Variants in CENPW observed in about 807,000 individuals in gnomAD.
CENPW encodes centromere protein W.
Under a neutral mutation model 11.1 loss-of-function variants are expected in CENPW, and 3 were observed. That is an observed-to-expected ratio of 0.27 (90% confidence interval 0.12 to 0.70). The LOEUF is 0.70. Among genes scored for constraint, CENPW ranks in the 30% least tolerant of loss-of-function variants. The probability of loss-of-function intolerance (pLI) is 0.77; values close to 1 mark genes in which losing one functional copy is unlikely to be tolerated. For synonymous variants in CENPW, 38 were observed against 42.0 expected, an observed-to-expected ratio of 0.91 and a Z score of 0.37; for missense variants, 100 against 105.6, an observed-to-expected ratio of 0.95 and a Z score of 0.23.
the CENPW span, among the ~76,000 whole-genome samples, chr6:126,413,925 T>A: frequency 2.0e-5 from 3 of 151,912 alleles, no homozygotes; most frequent in Non-Finnish European, 4.4e-5. Flanking sequence ...TGTGAGAAAT[T>A]CACTTCACTG....
the CENPW span, among the ~76,000 whole-genome samples, chr6:126,471,021 G>A: frequency 6.6e-6 from 1 of 152,146 alleles, no homozygotes; most frequent in Admixed American, 6.6e-5. Context: ...GGTTAATGCT[G>A]GAATGAGTTA....
chr6:126,482,824 T>C, the CENPW span, among the ~76,000 whole-genome samples: 1 of 152,030 alleles, frequency 6.6e-6, no homozygotes, highest in African/African-American at 2.4e-5. Flanking sequence ...TTTTCTTGAC[T>C]ATATAAAGTC....
chr6:126,432,420 C>A, the CENPW span, among the ~76,000 whole-genome samples: 1 of 152,184 alleles, frequency 6.6e-6, no homozygotes, highest in South Asian at 2.1e-4. Flanking sequence ...TACTGCTACC[C>A]CCTCTCTAGG....
chr6:126,475,550 A>G, the CENPW span, among the ~76,000 whole-genome samples: 700 of 152,166 alleles, frequency 4.6e-3, 2 homozygotes, highest in Non-Finnish European at 8.2e-3. Context: ...TAACCTAGGT[A>G]AAATATTTGG....
At chr6:126,362,324 T>G in the CENPW span, among the ~76,000 whole-genome samples, 2 of 152,168 alleles carry the variant, frequency 1.3e-5, no homozygotes, top group African/African-American at 4.8e-5. Context: ...GCCATATCCC[T>G]CTGCCAATTC....
At chr6:126,366,655 C>T in the CENPW span, among the ~76,000 whole-genome samples, 2 of 152,136 alleles carry the variant, frequency 1.3e-5, no homozygotes, top group Non-Finnish European at 2.9e-5. Context: ...GCTATGTGCT[C>T]AGCAATCAAG....
At chr6:126,433,414 A>C in the CENPW span, among the ~76,000 whole-genome samples, 1 of 152,170 alleles carries the variant, frequency 6.6e-6, no homozygotes, top group African/African-American at 2.4e-5. Flanking sequence ...TGACTGTGTA[A>C]GAAGAAGATA....
chr6:126,444,094 T>G, the CENPW span, among the ~76,000 whole-genome samples: 2 of 150,960 alleles, frequency 1.3e-5, no homozygotes, highest in South Asian at 4.1e-4. Flanking sequence ...GTCTTTTTGT[T>G]TAGACACTGG....
At chr6:126,423,421 A>T in the CENPW span, among the ~76,000 whole-genome samples, 1 of 152,122 alleles carries the variant, frequency 6.6e-6, no homozygotes, top group African/African-American at 2.4e-5. Context: ...AGTCTGCAGA[A>T]ATGAGACATT....
At chr6:126,458,199 C>G in the CENPW span, among the ~76,000 whole-genome samples, 1 of 151,416 alleles carries the variant, frequency 6.6e-6, no homozygotes, top group Non-Finnish European at 1.5e-5. Flanking sequence ...CCACCCATTT[C>G]CCATCAGCAC....
At chr6:126,406,595 T>C in the CENPW span, among the ~76,000 whole-genome samples, 7 of 152,294 alleles carry the variant, frequency 4.6e-5, 1 homozygote, top group Admixed American at 1.3e-4. Context: ...GGCTCATGCC[T>C]GTAATCCCAT....
chr6:126,470,508 GA>G, the CENPW span, among the ~76,000 whole-genome samples: 2 of 152,244 alleles, frequency 1.3e-5, no homozygotes, highest in African/African-American at 4.8e-5. Context: ...ATGCAGAGGG[GA>G]AAGTGGGTTT....
At position 126,348,567 on chromosome 6, in the gene CENPW, A is replaced by G; in HGVS notation, c.*75A>G. ...AACAGATCATAAAGACATTTTTTAC[A>G]CATCAGTTAATATGGGATTATTAAA... On this transcript the variant is annotated 3_prime_UTR_variant, in exon 3 of 3. Transcript: ENST00000368328. 3.5e-6 allele frequency: 3 copies of G among 866,672 alleles called. No homozygotes were observed. The highest frequency in any genetic ancestry group is 5.8e-6 in the Non-Finnish European group (3 of 520,928). 53.7% of individuals were successfully genotyped at this position (866,672 alleles called of 1,614,324 possible). A position where few individuals can be genotyped will look rare whatever the true frequency, so the allele number is the denominator to read the frequency against.
downstream of CENPW, among the ~76,000 whole-genome samples, chr6:126,350,005 G>C (rs1305525248): frequency 6.6e-6 from 1 of 151,912 alleles, no homozygotes; most frequent in Non-Finnish European, 1.5e-5. Context: ...GGGATCACAG[G>C]TGCAAGCTGC....
the CENPW span, among the ~76,000 whole-genome samples, chr6:126,440,091 TCTCA>T: frequency 8.9e-4 from 135 of 151,772 alleles, no homozygotes; most frequent in African/African-American, 3.1e-3. Flanking sequence ...GGCAAAAGTC[TCTCA>T]CTCTTCATTG....
chr6:126,410,250 G>A, the CENPW span, among the ~76,000 whole-genome samples: 7 of 151,732 alleles, frequency 4.6e-5, no homozygotes, highest in East Asian at 3.9e-4. Context: ...CATTGTTGAA[G>A]GATGGCTTTT....
chr6:126,444,577 C>T, the CENPW span, among the ~76,000 whole-genome samples: 1 of 150,898 alleles, frequency 6.6e-6, no homozygotes, highest in Non-Finnish European at 1.5e-5. Flanking sequence ...CCTTTCTTTA[C>T]AAATATTCTT....
the CENPW span, among the ~76,000 whole-genome samples, chr6:126,439,337 A>G: frequency 6.6e-6 from 1 of 151,674 alleles, no homozygotes; most frequent in African/African-American, 2.4e-5. Flanking sequence ...GGATGAAAAT[A>G]TTCTCCAGAG....
downstream of CENPW, among the ~76,000 whole-genome samples, chr6:126,350,024 G>C (rs1404778822): frequency 6.6e-6 from 1 of 151,912 alleles, no homozygotes; most frequent in Non-Finnish European, 1.5e-5. Flanking sequence ...GCTGTGTTCG[G>C]TTGGCTCAGG....
Sources: gnomAD v4.1 joint callset for allele counts (sites outside exome capture counted in the v4.1 genomes callset) on GRCh38, gnomAD v4.1.1 for gene constraint, MANE v1.5 for transcripts, NCBI Gene and HGNC (gene_info 2026-07-23, HGNC 2026-07-21) for gene names.